Variants in DOCK1 observed in about 807,000 individuals in gnomAD.
DOCK1 encodes dedicator of cytokinesis protein 1.
Under a neutral mutation model 262.7 loss-of-function variants are expected in DOCK1, and 138 were observed. The observed-to-expected ratio is 0.53, with a 90% CI of 0.46 to 0.61. The LOEUF (loss-of-function observed/expected upper bound fraction) is 0.61, where lower values mean the gene tolerates loss of function less well. Ranked by LOEUF, DOCK1 falls within the 20% of genes least tolerant of loss-of-function variation. DOCK1 has a pLI of 0.00. For synonymous variants in DOCK1, 866 were observed against 867.4 expected (o/e 1.00, Z 0.03); for missense variants, 1,908 against 2,370.7 (o/e 0.80, Z 4.05).
At chr10:127,252,230 G>A (rs1244475682) in intron 28 of DOCK1, among the ~76,000 whole-genome samples, 3 of 135,732 alleles carry the variant, frequency 2.2e-5, no homozygotes, top group Non-Finnish European at 4.9e-5. Flanking sequence ...TTTTGATGGG[G>A]TTGTTTGTTT....
At chr10:127,340,665 C>G (rs2063388927) in intron 30 of DOCK1, among the ~76,000 whole-genome samples, 1 of 152,172 alleles carries the variant, frequency 6.6e-6, no homozygotes, top group East Asian at 1.9e-4. Flanking sequence ...AATTTCCTTC[C>G]TAACATGATT....
chr10:126,973,594 T>C (rs1051716331), intron 2 of DOCK1, among the ~76,000 whole-genome samples: 7 of 152,242 alleles, frequency 4.6e-5, no homozygotes, highest in African/African-American at 1.7e-4. Context: ...GTAAAGACTC[T>C]TTAGCATAAA....
chr10:127,345,329 C>T (rs1453067746), intron 31 of DOCK1, among the ~76,000 whole-genome samples: 1 of 152,192 alleles, frequency 6.6e-6, no homozygotes, highest in Non-Finnish European at 1.5e-5. Flanking sequence ...CTCGTATCTG[C>T]CCTAGTTTCT....
At chr10:127,266,356 C>CT (rs2135122359) in intron 29 of DOCK1, among the ~76,000 whole-genome samples, 1 of 152,082 alleles carries the variant, frequency 6.6e-6, no homozygotes, top group South Asian at 2.1e-4. Flanking sequence ...TATTTATTGG[C>CT]TTACTATTGA....
chr10:127,248,005 C>T lies in DOCK1; in HGVS notation c.2848-3C>T. The T allele has an allele frequency of 1.2e-6, 2 of 1,613,526 alleles. No individual in the cohort carries two copies. The highest frequency in any genetic ancestry group is 1.7e-4 in the Middle Eastern group (1 of 6,060). On this transcript the variant is annotated splice_polypyrimidine_tract_variant and splice_region_variant and intron_variant, in intron 27 of 51. Transcript: ENST00000623213. ...CTAATTCTATCTTTTGATTCATTTA[C>T]AGGGAAACTTCGTGGCTTGCATGAC... is the stretch of plus-strand genomic sequence containing the variant.
intron 19 of DOCK1, among the ~76,000 whole-genome samples, chr10:127,041,956 G>A (rs1020320964): frequency 3.3e-5 from 5 of 152,172 alleles, no homozygotes; most frequent in Admixed American, 3.3e-4. Flanking sequence ...GGGAGGATGG[G>A]GTGGGACTTG....
chr10:127,288,379 T>A (rs924588509), intron 29 of DOCK1, among the ~76,000 whole-genome samples: 9 of 152,182 alleles, frequency 5.9e-5, no homozygotes, highest in Non-Finnish European at 1.3e-4. Context: ...GAAGTGGTAT[T>A]TAGAAATCAT....
chr10:127,181,493 G>C (rs2055731594), intron 27 of DOCK1, among the ~76,000 whole-genome samples: 2 of 152,152 alleles, frequency 1.3e-5, no homozygotes, highest in African/African-American at 4.8e-5. Flanking sequence ...CACCTCCCAG[G>C]GCCCAGCAGT....
intron 23 of DOCK1, among the ~76,000 whole-genome samples, chr10:127,079,275 C>T (rs973019353): frequency 6.6e-6 from 1 of 152,230 alleles, no homozygotes; most frequent in Non-Finnish European, 1.5e-5. Flanking sequence ...GCAACTCTGA[C>T]TCCTTCAGAC....
intron 1 of DOCK1, among the ~76,000 whole-genome samples, chr10:126,962,587 G>A (rs1565010446): frequency 6.6e-6 from 1 of 152,216 alleles, no homozygotes; most frequent in Non-Finnish European, 1.5e-5. Context: ...ATGAACCATG[G>A]CGCCCAGCCC....
At chr10:127,262,077 G>GTGTGT (rs879269473) in intron 29 of DOCK1, among the ~76,000 whole-genome samples, 1,303 of 83,954 alleles carry the variant, frequency 0.016, 34 homozygotes, top group East Asian at 0.085. Flanking sequence ...TGTGCATGTG[G>GTGTGT]GTGTGTGTGT....
chr10:127,167,735 C>A (rs1228516565), intron 27 of DOCK1, among the ~76,000 whole-genome samples: 1 of 152,076 alleles, frequency 6.6e-6, no homozygotes, highest in Non-Finnish European at 1.5e-5. Context: ...GCCCGTGACA[C>A]CAAATGAACT....
rs189102224 is a variant in DOCK1, at chr10:126,925,679, G to T, written c.46+20116G>T. Among the ~76,000 whole-genome samples the T allele has an allele frequency of 3.9e-3, 595 of 151,896 alleles. 7 individuals are homozygous for T. Among genetic ancestry groups the T allele is most frequent in the African/African-American group, 0.014 (576 of 41,410 alleles). On this transcript the variant is annotated intron_variant, in intron 1 of 51. Coordinates refer to ENST00000623213, the MANE Select transcript of DOCK1 (RefSeq NM_001290223.2). Reference sequence around the variant, plus strand: ...TTACAGGCGTGAGCCACCCTGGCCGGCCTTATGTGAACATGTCTAAACACA... The same window carrying T: ...TTACAGGCGTGAGCCACCCTGGCCGTCCTTATGTGAACATGTCTAAACACA...
At chr10:127,255,834 A>G (rs529704867) in intron 28 of DOCK1, among the ~76,000 whole-genome samples, 2 of 152,376 alleles carry the variant, frequency 1.3e-5, no homozygotes, top group South Asian at 4.1e-4. Flanking sequence ...GATGTGACTG[A>G]ATTACGGTAC....
Position 126,996,890 on chromosome 10 carries a change from T to C in DOCK1, c.609+7T>C, listed in dbSNP as rs558950027. On this transcript the variant is annotated splice_region_variant and intron_variant, in intron 7 of 51. Transcript: ENST00000623213. ...AAGGTTACAAGAGGAAAAAGTAAGT[T>C]TGACTCTGTCATATGCCATTCACGT... 2 of 1,593,898 alleles carry C rather than the reference T, an allele frequency of 1.3e-6. No individual in the cohort carries two copies. The highest frequency in any genetic ancestry group is 2.7e-5 in the African/African-American group (2 of 73,682).
At chr10:127,428,870 G>C (rs1201358577) in intron 47 of DOCK1, among the ~76,000 whole-genome samples, 11 of 145,212 alleles carry the variant, frequency 7.6e-5, no homozygotes, top group Non-Finnish European at 7.6e-5. Context: ...CGTGTGGATT[G>C]GGGTGCCATG....
rs2055203244 is a variant in DOCK1, at chr10:127,176,822, T to A, written c.2847+49058T>A. 6.3e-6 allele frequency: 1 copy of A among 159,620 alleles called. No individual in the cohort carries two copies. 9.9% of individuals were successfully genotyped at this position (159,620 alleles called of 1,614,324 possible). ...TTGCGTTTTGACTATTTTTTGAGGATGACGTCATTAATCTATTGCTGGAAT... is the reference window on the plus strand; with the variant it reads ...TTGCGTTTTGACTATTTTTTGAGGAAGACGTCATTAATCTATTGCTGGAAT... On this transcript the variant is annotated intron_variant, in intron 27 of 51. Coordinates refer to ENST00000623213, the MANE Select transcript of DOCK1 (RefSeq NM_001290223.2). This position sits in a 1 kb window ranked among gnomAD's most constrained non-coding sequence, Gnocchi z 4.4.
intron 38 of DOCK1, among the ~76,000 whole-genome samples, chr10:127,390,995 C>T (rs923007826): frequency 2.2e-4 from 33 of 152,170 alleles, no homozygotes; most frequent in African/African-American, 7.2e-4. Flanking sequence ...GCACTGCCGC[C>T]CACATGCGGC....
At chr10:126,937,661 A>G (rs1296224961) in intron 1 of DOCK1, among the ~76,000 whole-genome samples, 1 of 150,842 alleles carries the variant, frequency 6.6e-6, no homozygotes. Flanking sequence ...ATCTTTTTGG[A>G]GAAATGTTTA....
Sources: gnomAD v4.1 joint callset for allele counts (sites outside exome capture counted in the v4.1 genomes callset) on GRCh38, gnomAD v4.1.1 for gene constraint, Gnocchi (gnomAD v3.1) non-coding constraint, MANE v1.5 for transcripts, NCBI Gene and HGNC (gene_info 2026-07-23, HGNC 2026-07-21) for gene names.